NPAT: variants seen among roughly 807,000 people sequenced by gnomAD.
NPAT encodes nuclear protein, coactivator of histone transcription, also known as protein NPAT.
NPAT carries 52 observed loss-of-function variants against 130.7 expected under a neutral mutation model. That is an observed-to-expected ratio of 0.40 (90% CI 0.32 to 0.50). The LOEUF is 0.50. Ranked by LOEUF, NPAT falls within the 20% of genes least tolerant of loss-of-function variation. The pLI is 0.68. For synonymous variants in NPAT, 580 were observed against 584.8 expected, an observed-to-expected ratio of 0.99 and a Z score of 0.12; for missense variants, 1,687 against 1,662.6, an observed-to-expected ratio of 1.01 and a Z score of -0.26.
At chr11:108,210,212 C>A (rs1039387446) in intron 1 of NPAT, among the ~76,000 whole-genome samples, 8 of 151,824 alleles carry the variant, frequency 5.3e-5, no homozygotes, top group African/African-American at 1.9e-4. Flanking sequence ...TTTAGAGAAT[C>A]TAGATGAAAT....
intron 1 of NPAT, chr11:108,208,522 A>G (rs1025737976): frequency 8.8e-6 from 4 of 453,742 alleles, no homozygotes; most frequent in Non-Finnish European, 1.8e-5. Context: ...CAGGAGGTCG[A>G]GGCTGCAGCG....
In NPAT at chr11:108,181,325, C is replaced by T. The variant is rs571392259; in HGVS notation, c.906+3907G>A. On this transcript the variant is annotated intron_variant, in intron 10 of 17. Transcript: ENST00000278612. ...CTGAAAACACAAAAAATCAGTGAGG[C>T]GTGGTGGCACATGCCTGTTGTCCCA... Among the ~76,000 whole-genome samples the T allele has an allele frequency of 2.8e-3, 429 of 152,174 alleles. 3 individuals carry two copies. The highest frequency in any genetic ancestry group is 9.8e-3 in the African/African-American group (406 of 41,520).
intron 1 of NPAT, among the ~76,000 whole-genome samples, chr11:108,199,451 G>A (rs933392729): frequency 6.6e-6 from 1 of 152,268 alleles, no homozygotes; most frequent in Non-Finnish European, 1.5e-5. Context: ...ATGCTGGACA[G>A]CATAGCGGCA....
At position 108,222,528 on chromosome 11, in the gene NPAT, TAAC is replaced by T. The variant is rs770600720; in HGVS notation, c.6_8del (p.Leu3del). 9 of 1,613,368 alleles carry T rather than the reference TAAC, an allele frequency of 5.6e-6. No individual in the cohort carries two copies. Among genetic ancestry groups the T allele is most frequent in the South Asian group, 3.3e-5 (3 of 90,974 alleles). ...ATACAAGCCGGGCTACGTCCGAGGG[TAAC>T]AACATGATCAAAACCACAGCAGGAA... On this transcript the variant is annotated inframe_deletion, in exon 1 of 18. Transcript: ENST00000278612.
intron 2 of NPAT, among the ~76,000 whole-genome samples, chr11:108,194,456 C>G (rs1052919060): frequency 2.0e-5 from 3 of 152,194 alleles, no homozygotes; most frequent in Non-Finnish European, 4.4e-5. Flanking sequence ...CTGGCTCCCA[C>G]TATCTACAAT....
Position 108,172,297 on chromosome 11 carries a change from G to T in NPAT, c.2687C>A (p.Pro896His). The change falls in exon 13 of 18, where the codon CCT becomes CAT. Residue 896 changes from proline (P) to histidine (H), a missense_variant. By Grantham distance (77) the Pro-to-His change is moderately conservative. Transcript: ENST00000278612. ...AGGTGGTAGAGGTTGAGCAGTCATA[G>T]GTGCAGAATTTCCAGGCAACACCAC... Reference protein sequence around the residue: ...NVVVLPGNSAPMTAQPLPPQL... With the variant: ...NVVVLPGNSAHMTAQPLPPQL... The T allele has an allele frequency of 6.2e-7, 1 of 1,614,180 alleles. No individual in the cohort carries two copies. The highest frequency in any genetic ancestry group is 2.2e-5 in the East Asian group (1 of 44,868).
chr11:108,209,507 G>A (rs1018419060), intron 1 of NPAT, among the ~76,000 whole-genome samples: 3 of 151,712 alleles, frequency 2.0e-5, no homozygotes, highest in Non-Finnish European at 2.9e-5. Context: ...AACTATGATC[G>A]CGCCACTGCA....
chr11:108,174,499 A>T (rs1371044471), intron 12 of NPAT, among the ~76,000 whole-genome samples: 2 of 151,918 alleles, frequency 1.3e-5, no homozygotes, highest in African/African-American at 2.4e-5. Context: ...TAAAAACTGT[A>T]ACAGCATAGG....
intron 1 of NPAT, among the ~76,000 whole-genome samples, chr11:108,198,567 C>CT (rs1300134734): frequency 6.6e-6 from 1 of 152,162 alleles, no homozygotes; most frequent in Non-Finnish European, 1.5e-5. Context: ...AGTCTGAAGC[C>CT]TGAAAACTGG....
rs542147397 is a variant in NPAT, at chr11:108,161,865, G to A, written c.3221C>T (p.Ala1074Val). ...LCFDSTTAPV[A>V]NTQGPNHKMV... is the part of the protein sequence containing the mutation. The stretch of plus-strand genomic sequence containing the variant: ...CTTATGGTTTGGCCCCTGCGTATTT[G>A]CCACAGGAGCAGTAGTGCTGTCGAA... Residue 1074 changes from alanine to valine, a missense_variant, in exon 17 of 18, where the codon GCA (alanine) becomes GTA (valine). By Grantham distance (64) the Ala-to-Val change is moderately conservative. Coordinates refer to ENST00000278612, the MANE Select transcript of NPAT (RefSeq NM_002519.3). 2 of 1,614,074 alleles carry A rather than the reference G, an allele frequency of 1.2e-6. No homozygotes were observed. Among genetic ancestry groups the A allele is most frequent in the East Asian group, 2.2e-5 (1 of 44,870 alleles).
chr11:108,198,000 G>C, intron 1 of NPAT, among the ~76,000 whole-genome samples: 1 of 152,230 alleles, frequency 6.6e-6, no homozygotes, highest in East Asian at 1.9e-4. Context: ...GGCTAAGGCA[G>C]AGTGGGTCAA....
Position 108,173,562 on chromosome 11 carries a change from C to G in NPAT, c.1422G>C (p.Gln474His). Residue 474 changes from glutamine to histidine, a missense_variant, in exon 13 of 18, where the codon CAG (glutamine) becomes CAC (histidine). By Grantham distance (24) the Gln-to-His change is conservative (BLOSUM62 0). Transcript: ENST00000278612. ...TAGCCATTTCAGTTTCAGTGGACATCTGATTGGTGTATAATTCAGCACAAT... is the reference window on the plus strand; with the variant it reads ...TAGCCATTTCAGTTTCAGTGGACATGTGATTGGTGTATAATTCAGCACAAT... ...NPHCAELYTN[Q>H]MSTETEMAIG... 1 of 1,614,172 alleles carries G rather than the reference C, an allele frequency of 6.2e-7. No individual in the cohort carries two copies. Among genetic ancestry groups the G allele is most frequent in the Non-Finnish European group, 8.5e-7 (1 of 1,180,038 alleles).
At chr11:108,204,254 GGACAGAGTCCACAACTAGAAT>G in intron 1 of NPAT, among the ~76,000 whole-genome samples, 1 of 152,182 alleles carries the variant, frequency 6.6e-6, no homozygotes, top group East Asian at 1.9e-4. Context: ...TGCCAGTTCC[GGACAGAGTCCACAACTAGAAT>G]GAAAACTTCC....
intron 1 of NPAT, among the ~76,000 whole-genome samples, chr11:108,219,041 C>G (rs2078459499): frequency 6.6e-6 from 1 of 152,128 alleles, no homozygotes; most frequent in African/African-American, 2.4e-5. Context: ...AGTTTTGGTC[C>G]TGTTTGACCT....
intron 10 of NPAT, among the ~76,000 whole-genome samples, chr11:108,178,389 C>A (rs2078028952): frequency 6.6e-6 from 1 of 152,134 alleles, no homozygotes; most frequent in African/African-American, 2.4e-5. Flanking sequence ...TACAGTTTAA[C>A]TCCTTCCTTA....
chr11:108,168,159 T>C (rs548275358), intron 15 of NPAT, among the ~76,000 whole-genome samples: 3 of 151,708 alleles, frequency 2.0e-5, no homozygotes, highest in Admixed American at 6.5e-5. Flanking sequence ...AGAGAAGATA[T>C]ACTTCTTCTC....
chr11:108,173,558 A>T lies in NPAT; in HGVS notation c.1426T>A (p.Ser476Thr), dbSNP rs1395568488. Residue 476 changes from serine (S) to threonine (T), a missense_variant, in exon 13 of 18, where the codon TCC becomes ACC. By Grantham distance (58) the Ser-to-Thr change is moderately conservative. This residue lies in a region of NPAT where 1,379 missense variants were observed against 1,346.6 expected (regional missense o/e 1.02). Transcript: ENST00000278612. ...CCTATAGCCATTTCAGTTTCAGTGG[A>T]CATCTGATTGGTGTATAATTCAGCA... ...HCAELYTNQM[S>T]TETEMAIGIE... 6.2e-7 allele frequency: 1 copy of T among 1,614,218 alleles called. No individual in the cohort carries two copies. Among genetic ancestry groups the T allele is most frequent in the East Asian group, 2.2e-5 (1 of 44,884 alleles).
chr11:108,173,029 T>C lies in NPAT; in HGVS notation c.1955A>G (p.Gln652Arg), dbSNP rs1428647442. The C allele has an allele frequency of 1.2e-6, 2 of 1,614,054 alleles. No homozygotes were observed. The highest frequency in any genetic ancestry group is 1.7e-5 in the Admixed American group (1 of 60,022). Reference sequence around the variant, plus strand: ...CTGTGAATTCTCAGACTTGGATGCCTGAGCTTCATTTTCTGTATGATTTAA... The same window carrying C: ...CTGTGAATTCTCAGACTTGGATGCCCGAGCTTCATTTTCTGTATGATTTAA... ...VELNHTENEA[Q>R]ASKSENSQEP... Residue 652 changes from glutamine (Q) to arginine (R), a missense_variant, in exon 13 of 18, where the codon CAG (glutamine) becomes CGG (arginine). Transcript: ENST00000278612.
rs914935178 is a variant in NPAT at position 108,199,562 on chromosome 11, A to AT, written c.38-2143dup. On this transcript the variant is annotated intron_variant, in intron 1 of 17. Coordinates refer to ENST00000278612, the MANE Select transcript of NPAT (RefSeq NM_002519.3). ...CATTTCTGAGGCTTCTTGCCTTCAC[A>AT]TTTTTTTTCCAAAAACGGATGAAGC... Among the ~76,000 whole-genome samples the AT allele has an allele frequency of 4.7e-4, 71 of 151,896 alleles. 1 individual carries two copies. The highest frequency in any genetic ancestry group is 1.6e-3 in the African/African-American group (65 of 41,392).
Sources: gnomAD v4.1 joint callset for allele counts (sites outside exome capture counted in the v4.1 genomes callset) on GRCh38, gnomAD v4.1.1 for gene constraint, gnomAD v4.1.1 regional missense constraint, MANE v1.5 for transcripts, NCBI Gene and HGNC (gene_info 2026-07-23, HGNC 2026-07-21) for gene names.